SGIP1: variants seen among roughly 807,000 people sequenced by gnomAD.
The protein encoded by SGIP1 is SH3-containing GRB2-like protein 3-interacting protein 1.
SGIP1 carries 38 observed loss-of-function variants against 107.5 expected under a neutral mutation model. The observed-to-expected ratio is 0.35, with a 90% CI of 0.27 to 0.46. The LOEUF is 0.46. SGIP1 is among the 20% of genes least tolerant of loss of function. SGIP1 has a pLI of 1.00. For synonymous variants in SGIP1, 365 were observed against 366.1 expected, an observed-to-expected ratio of 1.00 and a Z score of 0.03; for missense variants, 929 against 1,019.5, an observed-to-expected ratio of 0.91 and a Z score of 1.21.
At chr1:66,582,063 C>T (rs761075771) in intron 1 of SGIP1, among the ~76,000 whole-genome samples, 5 of 152,012 alleles carry the variant, frequency 3.3e-5, no homozygotes, top group Admixed American at 1.3e-4. Flanking sequence ...GTGGTGATAA[C>T]AGGATCAGTC....
chr1:66,743,023 A>G, intron 24 of SGIP1, 50 bp from the exon 25 acceptor site: 1 of 1,599,670 alleles, frequency 6.3e-7, no homozygotes, highest in Non-Finnish European at 8.6e-7. Context: ...TATAATAATT[A>G]CATTATTGAA....
intron 1 of SGIP1, among the ~76,000 whole-genome samples, chr1:66,540,251 C>T (rs984338200): frequency 6.6e-6 from 1 of 151,864 alleles, no homozygotes; most frequent in African/African-American, 2.4e-5. Context: ...AGAAATAGTT[C>T]ATTTGAAAAT....
At chr1:66,655,639 A>C (rs1392077720) in intron 7 of SGIP1, among the ~76,000 whole-genome samples, 4 of 152,242 alleles carry the variant, frequency 2.6e-5, no homozygotes, top group African/African-American at 4.8e-5. Flanking sequence ...AAATATGTAT[A>C]GCATGTTACT....
intron 12 of SGIP1, among the ~76,000 whole-genome samples, chr1:66,676,223 A>G (rs2085296321): frequency 6.6e-6 from 1 of 152,226 alleles, no homozygotes; most frequent in Admixed American, 6.5e-5. Flanking sequence ...TGCAGAGGAT[A>G]GATTCAAACC....
chr1:66,603,746 T>A (rs1304196998), intron 1 of SGIP1, among the ~76,000 whole-genome samples: 1 of 152,218 alleles, frequency 6.6e-6, no homozygotes, highest in African/African-American at 2.4e-5. Context: ...CTAAGTGTGG[T>A]TAAGATTATT....
intron 20 of SGIP1, among the ~76,000 whole-genome samples, chr1:66,732,730 TTCTC>T (rs760860195): frequency 2.8e-5 from 4 of 142,692 alleles, no homozygotes; most frequent in African/African-American, 1.0e-4. Context: ...ACCCCTAATT[TTCTC>T]TCTTTTTTTT....
intron 21 of SGIP1, among the ~76,000 whole-genome samples, chr1:66,734,799 C>T (rs149387712): frequency 6.6e-6 from 1 of 152,242 alleles, no homozygotes; most frequent in African/African-American, 2.4e-5. Context: ...AGCCACCACA[C>T]CAGCTGACTC....
In SGIP1 at chr1:66,682,385, G is replaced by T; in HGVS notation, c.1315+16G>T. On this transcript the variant is annotated intron_variant, in intron 15 of 24. Transcript: ENST00000371037. ...ACCACCAGTGGTATGTCTTATGCTTGAGTGTGCTTCTTGTGACGGGGAATG... is the reference window on the plus strand; with the variant it reads ...ACCACCAGTGGTATGTCTTATGCTTTAGTGTGCTTCTTGTGACGGGGAATG... The T allele has an allele frequency of 1.3e-6, 2 of 1,589,214 alleles. No individual in the cohort carries two copies.
At chr1:66,650,414 G>C (rs1351980971) in intron 7 of SGIP1, among the ~76,000 whole-genome samples, 1 of 152,200 alleles carries the variant, frequency 6.6e-6, no homozygotes, top group East Asian at 1.9e-4. Context: ...CATGTAGCAG[G>C]CACTGAGAGC....
In SGIP1 at chr1:66,729,258, T is replaced by C; in HGVS notation, c.1743-6T>C. On this transcript the variant is annotated splice_region_variant and splice_polypyrimidine_tract_variant and intron_variant, in intron 19 of 24. Coordinates refer to ENST00000371037, the MANE Select transcript of SGIP1 (RefSeq NM_032291.4). ...TCTCTTTCCTCTCTGTGTTTTGATA[T>C]GCCAGATGTATCGTTAAGATTACCG... 6.2e-7 allele frequency: 1 copy of C among 1,613,994 alleles called. No homozygotes were observed. Among genetic ancestry groups the C allele is most frequent in the African/African-American group, 1.3e-5 (1 of 75,046 alleles).
At chr1:66,674,919 C>T (rs772424666) in intron 12 of SGIP1, among the ~76,000 whole-genome samples, 2 of 152,216 alleles carry the variant, frequency 1.3e-5, no homozygotes, top group Non-Finnish European at 2.9e-5. Flanking sequence ...AGCCAGCAGT[C>T]AGCCACACCT....
At chr1:66,573,316 G>C (rs1404613370) in intron 1 of SGIP1, among the ~76,000 whole-genome samples, 1 of 152,240 alleles carries the variant, frequency 6.6e-6, no homozygotes, top group Middle Eastern at 3.4e-3. Flanking sequence ...CTGTTTGTGG[G>C]AGTGTAAATT....
intron 7 of SGIP1, among the ~76,000 whole-genome samples, chr1:66,656,970 C>G (rs183363452): frequency 4.7e-4 from 71 of 151,802 alleles, no homozygotes; most frequent in Admixed American, 1.1e-3. Flanking sequence ...GAGTTTGAGA[C>G]CAGCCTGAGC....
chr1:66,736,978 T>C (rs968995878), intron 21 of SGIP1, among the ~76,000 whole-genome samples: 6 of 152,050 alleles, frequency 3.9e-5, no homozygotes, highest in Non-Finnish European at 8.8e-5. Flanking sequence ...ACTGAAAAAA[T>C]ATATAATATG....
In SGIP1 at chr1:66,630,288, A is replaced by T. The variant is rs1570896050; in HGVS notation, c.75-2782A>T. ...GATATGACCTTGTACCTGGATTCAC[A>T]GTGAGCAACACCACAGCCAGGCCAA... is the stretch of plus-strand genomic sequence containing the variant. On this transcript the variant is annotated intron_variant, in intron 2 of 24. Coordinates refer to ENST00000371037, the MANE Select transcript of SGIP1 (RefSeq NM_032291.4). Among the ~76,000 whole-genome samples, 4 of 152,168 alleles carry T rather than the reference A, an allele frequency of 2.6e-5. No individual in the cohort carries two copies. In the South Asian group the frequency reaches 8.3e-4, roughly 32 times the overall value.
chr1:66,549,137 G>GCCTTCCTTCCTT (rs60834683), intron 1 of SGIP1, among the ~76,000 whole-genome samples: 12 of 144,528 alleles, frequency 8.3e-5, no homozygotes, highest in African/African-American at 2.0e-4. Flanking sequence ...CTGGCTACCT[G>GCCTTCCTTCCTT]CCTTCCTTCC....
chr1:66,719,385 C>T lies in SGIP1; in HGVS notation c.1722C>T (p.Phe574=). Residue 574 remains phenylalanine, a synonymous_variant, in exon 19 of 25, where the codon TTC becomes TTT. Transcript: ENST00000371037. ...AAFTETVNAY[F]KGADPSKCIV... is the part of the protein sequence containing the mutation. The stretch of plus-strand genomic sequence containing the variant: ...TTACAGAAACAGTCAATGCCTATTT[C>T]AAAGGAGCAGACCCAAGCAAGTAAG... 6.2e-7 allele frequency: 1 copy of T among 1,613,346 alleles called. No homozygotes were observed.
At chr1:66,564,345 C>T (rs908765202) in intron 1 of SGIP1, among the ~76,000 whole-genome samples, 1 of 151,856 alleles carries the variant, frequency 6.6e-6, no homozygotes, top group Non-Finnish European at 1.5e-5. Context: ...GCTGTCATGA[C>T]TTATGCCTCA....
chr1:66,674,954 G>T (rs2084841726), intron 12 of SGIP1, among the ~76,000 whole-genome samples: 1 of 152,170 alleles, frequency 6.6e-6, no homozygotes, highest in African/African-American at 2.4e-5. Flanking sequence ...ATTTTGTTAG[G>T]AAACTGTACA....
Sources: allele counts gnomAD v4.1 joint callset (sites outside exome capture counted in the v4.1 genomes callset), GRCh38; gene constraint gnomAD v4.1.1; transcripts MANE v1.5; gene names NCBI Gene and HGNC (gene_info 2026-07-23, HGNC 2026-07-21).